The following EPM2A variants were observed in gnomAD, a reference collection of about 807,000 sequenced individuals.
EPM2A encodes the protein EPM2A glucan phosphatase, laforin, also known as laforin.
Under a neutral mutation model 26.5 loss-of-function variants are expected in EPM2A, and 21 were observed. The observed-to-expected ratio is 0.79, with a 90% confidence interval of 0.56 to 1.14. The LOEUF (loss-of-function observed/expected upper bound fraction) is 1.14. Among genes scored for constraint, EPM2A ranks in the 50% most tolerant of loss-of-function variants. The probability of loss-of-function intolerance (pLI) is 0.00; values close to 1 mark genes in which losing one functional copy is unlikely to be tolerated. For missense variants in EPM2A, 458 were observed against 440.8 expected, an observed-to-expected ratio of 1.04 and a Z score of -0.35; for synonymous variants, 217 against 177.6, an observed-to-expected ratio of 1.22 and a Z score of -1.76.
chr6:145,686,062 A>G (rs1450505211), intron 2 of EPM2A, 60 bp downstream of exon 2: 4 of 1,477,092 alleles, frequency 2.7e-6, no homozygotes, highest in Non-Finnish European at 2.8e-6. Context: ...AAATATTTCC[A>G]TTGTGCTAAT....
At chr6:145,642,036 A>G (rs1777124835) in intron 2 of EPM2A, among the ~76,000 whole-genome samples, 1 of 152,104 alleles carries the variant, frequency 6.6e-6, no homozygotes, top group South Asian at 2.1e-4. Context: ...CTTGTTTTTG[A>G]GCATATATAG....
At chr6:145,673,154 G>C (rs1360391386) in intron 2 of EPM2A, among the ~76,000 whole-genome samples, 1 of 151,814 alleles carries the variant, frequency 6.6e-6, no homozygotes, top group Non-Finnish European at 1.5e-5. Context: ...ATTGTTTGCT[G>C]TCTCCCTAGA....
At chr6:145,713,654 A>G (rs1775461175) in intron 1 of EPM2A, among the ~76,000 whole-genome samples, 1 of 152,206 alleles carries the variant, frequency 6.6e-6, no homozygotes, top group Non-Finnish European at 1.5e-5. Flanking sequence ...GTCACCTTGG[A>G]AAACAGTCTG....
intron 4 of EPM2A, among the ~76,000 whole-genome samples, chr6:145,425,047 A>G (rs1562329482): frequency 6.6e-6 from 1 of 152,068 alleles, no homozygotes; most frequent in African/African-American, 2.4e-5. Context: ...GTACAGTACC[A>G]TATGCGATTG....
intron 4 of EPM2A, among the ~76,000 whole-genome samples, chr6:145,394,042 C>G (rs1297346799): frequency 6.6e-6 from 1 of 151,942 alleles, no homozygotes; most frequent in Non-Finnish European, 1.5e-5. Context: ...CCAGGATGCT[C>G]TCGATCTCCT....
downstream of EPM2A, among the ~76,000 whole-genome samples, chr6:145,498,708 G>T (rs2114748787): frequency 6.6e-6 from 1 of 152,216 alleles, no homozygotes; most frequent in South Asian, 2.1e-4. Flanking sequence ...TCCTTGATCA[G>T]CCCCAGTGCA....
At chr6:145,463,059 A>T (rs1001617529) in intron 4 of EPM2A, among the ~76,000 whole-genome samples, 3 of 152,186 alleles carry the variant, frequency 2.0e-5, no homozygotes, top group Admixed American at 2.0e-4. Flanking sequence ...GAAACATTAC[A>T]TTGTAAGAAT....
At position 145,635,506 on chromosome 6, in the gene EPM2A, A is replaced by G. The variant is rs1776594248; in HGVS notation, c.477-20T>C. 1.2e-6 allele frequency: 2 copies of G among 1,613,348 alleles called. No individual in the cohort carries two copies. The highest frequency in any genetic ancestry group is 8.5e-7 in the Non-Finnish European group (1 of 1,179,238). ...AGAATTCTAATGAGAACATATGGAG[A>G]CAACTATCACTAGTGTTGTTCTGAT... On this transcript the variant is annotated intron_variant, in intron 2 of 3. Coordinates refer to ENST00000367519, the MANE Select transcript of EPM2A (RefSeq NM_005670.4).
chr6:145,664,849 A>T (rs945756515), intron 2 of EPM2A, among the ~76,000 whole-genome samples: 9 of 152,088 alleles, frequency 5.9e-5, no homozygotes, highest in Non-Finnish European at 1.0e-4. Context: ...AGAACTCAGG[A>T]TTAAGACTCT....
intron 2 of EPM2A, among the ~76,000 whole-genome samples, chr6:145,562,717 AG>A (rs1780822955): frequency 6.6e-6 from 1 of 152,060 alleles, no homozygotes; most frequent in African/African-American, 2.4e-5. Flanking sequence ...TTTAGACCCA[AG>A]GACTCTGCTG....
At position 145,627,828 on chromosome 6, in the gene EPM2A, T is replaced by C; in HGVS notation, c.719-135A>G. 6.9e-6 allele frequency: 9 copies of C among 1,304,510 alleles called. No individual in the cohort carries two copies. In the South Asian group the frequency reaches 1.1e-4, roughly 16 times the overall value. The allele number at this position is 1,304,510 out of a possible 1,614,324, so 80.8% of individuals were successfully genotyped here. ...GGGATACGAGAGTTTGCTTTCTTTC[T>C]GCATTGTGAAGGAAAAAGTGAGACC... On this transcript the variant is annotated intron_variant, in intron 3 of 3. Transcript: ENST00000367519.
chr6:145,628,615 G>A (rs1235347837), intron 3 of EPM2A: 1 of 152,252 alleles, frequency 6.6e-6, no homozygotes, highest in Non-Finnish European at 1.5e-5. Context: ...AGGGAAATGA[G>A]AAAGCCCTCT....
intron 2 of EPM2A, among the ~76,000 whole-genome samples, chr6:145,649,666 A>C (rs1777734959): frequency 6.6e-6 from 1 of 152,230 alleles, no homozygotes; most frequent in South Asian, 2.1e-4. Context: ...TCGAGAGACC[A>C]GAAAACTATA....
At chr6:145,730,312 G>A (rs1776423427) in intron 1 of EPM2A, among the ~76,000 whole-genome samples, 1 of 152,158 alleles carries the variant, frequency 6.6e-6, no homozygotes, top group South Asian at 2.1e-4. Context: ...GAGGTATTCT[G>A]GTGAACATTT....
At chr6:145,476,013 T>A (rs940985982) in intron 4 of EPM2A, among the ~76,000 whole-genome samples, 6 of 151,932 alleles carry the variant, frequency 3.9e-5, no homozygotes, top group African/African-American at 1.5e-4. Flanking sequence ...ACAAGAGCCA[T>A]TGATACAAGA....
At chr6:145,712,085 A>T (rs1775362509) in intron 1 of EPM2A, among the ~76,000 whole-genome samples, 1 of 152,194 alleles carries the variant, frequency 6.6e-6, no homozygotes, top group Non-Finnish European at 1.5e-5. Context: ...AGAATGGTGA[A>T]ATCATTGATG....
chr6:145,657,100 T>C (rs1397875377), intron 2 of EPM2A, among the ~76,000 whole-genome samples: 1 of 149,844 alleles, frequency 6.7e-6, no homozygotes, highest in Non-Finnish European at 1.5e-5. Context: ...TTTTTTTTTT[T>C]TTTTTTTGAG....
intron 2 of EPM2A, among the ~76,000 whole-genome samples, chr6:145,518,746 T>A (rs1780165109): frequency 6.6e-6 from 1 of 151,950 alleles, no homozygotes; most frequent in Non-Finnish European, 1.5e-5. Context: ...GAGAAATTAA[T>A]AATCCCGCTT....
At chr6:145,457,924 G>T (rs1461170682) in intron 4 of EPM2A, among the ~76,000 whole-genome samples, 1 of 152,178 alleles carries the variant, frequency 6.6e-6, no homozygotes, top group African/African-American at 2.4e-5. Context: ...AATAAAACAA[G>T]AAACTTATTA....
Sources: gnomAD v4.1 joint callset for allele counts (sites outside exome capture counted in the v4.1 genomes callset) on GRCh38, gnomAD v4.1.1 for gene constraint, MANE v1.5 for transcripts, NCBI Gene and HGNC (gene_info 2026-07-23, HGNC 2026-07-21) for gene names.